Variants in FAM20C observed in about 807,000 individuals in gnomAD.
The protein encoded by FAM20C is extracellular serine/threonine protein kinase FAM20C.
A neutral mutation model predicts 51.5 loss-of-function variants in FAM20C; 40 were observed. The ratio of observed to expected loss-of-function variants is 0.78; its 90% CI spans 0.60 to 1.01. The LOEUF is 1.01. Ranked by LOEUF, FAM20C falls within the 50% of genes least tolerant of loss-of-function variation. The pLI, the probability that FAM20C is intolerant of heterozygous loss-of-function variation, is 0.00. For synonymous variants in FAM20C, 406 were observed against 380.6 expected, an observed-to-expected ratio of 1.07 and a Z score of -0.78; for missense variants, 861 against 844.7, an observed-to-expected ratio of 1.02 and a Z score of -0.24.
chr7:197,328 G>A (rs1785925465), intron 2 of FAM20C: 1 of 166,606 alleles, frequency 6.0e-6, no homozygotes, highest in South Asian at 2.1e-4. Flanking sequence ...GTGGAGAGGA[G>A]GGGGCTCCAC....
intron 3 of FAM20C, chr7:228,594 C>A (rs76449546): frequency 2.2e-6 from 1 of 456,080 alleles, no homozygotes; most frequent in Non-Finnish European, 4.4e-6. Context: ...CTGAGGGCAG[C>A]GTTTCCACAG....
At chr7:228,712 A>G (rs73669604) in intron 3 of FAM20C, 49,604 of 456,054 alleles carry the variant, frequency 0.11, 3,124 homozygotes, top group African/African-American at 0.18. Context: ...GCCAGCCTCC[A>G]CGGCACCTGT....
intron 2 of FAM20C, among the ~76,000 whole-genome samples, chr7:204,261 T>A (rs778962891): frequency 1.1e-4 from 17 of 152,356 alleles, no homozygotes; most frequent in Non-Finnish European, 1.5e-4. Context: ...GGAGCCCGTT[T>A]ACGGAGCCTC....
intron 2 of FAM20C, among the ~76,000 whole-genome samples, chr7:200,153 G>A (rs1012805596): frequency 3.9e-5 from 6 of 152,360 alleles, no homozygotes; most frequent in East Asian, 1.9e-4. Context: ...CACAGCCACC[G>A]TGTCTGTTCC....
At chr7:222,882 G>GGCATGTGT (rs59750458) in intron 3 of FAM20C, among the ~76,000 whole-genome samples, 1 of 151,818 alleles carries the variant, frequency 6.6e-6, no homozygotes, top group Non-Finnish European at 1.5e-5. Flanking sequence ...GTGCGTGTGT[G>GGCATGTGT]ACGTGTACAT....
chr7:207,379 T>C (rs28704171), intron 2 of FAM20C, among the ~76,000 whole-genome samples: 33,735 of 40,680 alleles, frequency 0.83, 15,268 homozygotes, highest in Middle Eastern at 0.9. Context: ...ACTGTCCCCT[T>C]GGCCCCGCAC....
Position 192,688 on chromosome 7 carries a change from C to T in FAM20C, c.-512C>T, listed in dbSNP as rs1228007770. Among the ~76,000 whole-genome samples the T allele has an allele frequency of 6.7e-6, 1 of 149,386 alleles. No homozygotes were observed. Among genetic ancestry groups the T allele is most frequent in the Non-Finnish European group, 1.5e-5 (1 of 66,836 alleles). On this transcript the variant is annotated 5_prime_UTR_variant, in exon 1 of 10. Transcript: ENST00000313766. ...CTTCGCCCCCCCCTTCCCCCCAGCC[C>T]CGGTCTCCCGGGCGCGGCGTGAGAG...
intron 6 of FAM20C, 70 bp downstream of exon 6, chr7:256,099 G>A (rs1562399569): frequency 6.7e-7 from 1 of 1,503,558 alleles, no homozygotes; most frequent in African/African-American, 1.4e-5. Context: ...GGGCGGGCAT[G>A]GGAGGGTCGG....
intron 3 of FAM20C, among the ~76,000 whole-genome samples, chr7:245,121 C>T (rs1028819691): frequency 3.9e-5 from 6 of 152,186 alleles, no homozygotes; most frequent in South Asian, 4.1e-4. Context: ...AGGAGTTGGG[C>T]GGACCTCCGC....
intron 2 of FAM20C, among the ~76,000 whole-genome samples, chr7:203,378 T>C (rs1202994863): frequency 6.6e-6 from 1 of 152,222 alleles, no homozygotes; most frequent in Non-Finnish European, 1.5e-5. Flanking sequence ...AATTGCACCT[T>C]TTTTTCAAGG....
chr7:235,801 C>T (rs1257155911), intron 3 of FAM20C, among the ~76,000 whole-genome samples: 5 of 152,222 alleles, frequency 3.3e-5, no homozygotes, highest in Admixed American at 6.5e-5. Flanking sequence ...TCCTGGCAGG[C>T]TGACCATGCT....
At chr7:244,238 T>C (rs1052233333) in intron 3 of FAM20C, among the ~76,000 whole-genome samples, 2 of 152,168 alleles carry the variant, frequency 1.3e-5, no homozygotes, top group Non-Finnish European at 2.9e-5. Flanking sequence ...AAATCTTGCC[T>C]CCATCTGGAG....
intron 3 of FAM20C, among the ~76,000 whole-genome samples, chr7:231,320 G>T (rs1448551114): frequency 6.6e-6 from 1 of 152,198 alleles, no homozygotes; most frequent in African/African-American, 2.4e-5. Flanking sequence ...TGACACTTTG[G>T]TGGTGGTGAA....
At chr7:255,790 C>G in intron 5 of FAM20C, 59 bp from the exon 6 acceptor site, 2 of 1,526,484 alleles carry the variant, frequency 1.3e-6, no homozygotes, top group Non-Finnish European at 1.8e-6. Flanking sequence ...GGCCGTGAGA[C>G]CACAGGTGAG....
At position 193,796 on chromosome 7, in the gene FAM20C, C is replaced by A; in HGVS notation, c.597C>A (p.Asn199Lys). 1.9e-6 allele frequency: 3 copies of A among 1,555,718 alleles called. No individual in the cohort carries two copies. In the South Asian group the frequency reaches 3.6e-5, roughly 18 times the overall value. ...GGCTCAGCCCCAAAGCGGCGGAGAA[C>A]CCGGACTGGTGAGTGGGGGCTGGCA... ...DTRLSPKAAE[N>K]PDWPHAGAEG... Residue 199 changes from asparagine (N) to lysine (K), a missense_variant, in exon 1 of 10, where the codon AAC (asparagine) becomes AAA (lysine). This residue lies in a region of FAM20C where 561 missense variants were observed against 499.8 expected (regional missense o/e 1.12). Coordinates refer to ENST00000313766, the MANE Select transcript of FAM20C (RefSeq NM_020223.4).
rs1341839098 is a variant in FAM20C, at chr7:237,792, GATA to G, written c.864-8620_864-8618del. 2.0e-5 allele frequency among the ~76,000 whole-genome samples: 3 copies of G among 150,558 alleles called. No homozygotes were observed. In the East Asian group the frequency reaches 5.8e-4, roughly 29 times the overall value. The stretch of plus-strand genomic sequence containing the variant: ...TGGTGATGATGATGTTGATAAGGAT[GATA>G]ATGATGGTGGAGGTGATGATCATGG... On this transcript the variant is annotated intron_variant, in intron 3 of 9. Coordinates refer to ENST00000313766, the MANE Select transcript of FAM20C (RefSeq NM_020223.4).
At chr7:228,205 G>A (rs539716872) in intron 3 of FAM20C, 16 of 331,338 alleles carry the variant, frequency 4.8e-5, no homozygotes, top group Non-Finnish European at 9.0e-5. Flanking sequence ...GAGGCCCGTG[G>A]CCAATCAGAG....
chr7:250,247 G>A (rs1450450135), intron 5 of FAM20C, among the ~76,000 whole-genome samples: 1 of 152,068 alleles, frequency 6.6e-6, no homozygotes, highest in Non-Finnish European at 1.5e-5. Flanking sequence ...TCAGAACCCG[G>A]CCCCCGAATC....
chr7:249,448 C>A (rs1245548584), intron 5 of FAM20C, among the ~76,000 whole-genome samples: 2 of 152,260 alleles, frequency 1.3e-5, no homozygotes, highest in Non-Finnish European at 2.9e-5. Flanking sequence ...TTGCTTTAAA[C>A]CTGACATTTG....
Sources: gnomAD v4.1 joint callset for allele counts (sites outside exome capture counted in the v4.1 genomes callset) on GRCh38, gnomAD v4.1.1 for gene constraint, gnomAD v4.1.1 regional missense constraint, MANE v1.5 for transcripts, NCBI Gene and HGNC (gene_info 2026-07-23, HGNC 2026-07-21) for gene names.